DLGAP4: variants seen among roughly 807,000 people sequenced by gnomAD.
DLGAP4 encodes the protein DLG associated protein 4.
Under a neutral mutation model 86.9 loss-of-function variants are expected in DLGAP4, and 18 were observed. That is an observed-to-expected ratio of 0.21 (90% confidence interval 0.14 to 0.31). DLGAP4 has a LOEUF of 0.31. Among genes scored for constraint, DLGAP4 ranks in the 10% least tolerant of loss-of-function variants. The pLI, the probability that DLGAP4 is intolerant of heterozygous loss-of-function variation, is 1.00. For synonymous variants in DLGAP4, 548 were observed against 574.3 expected, an observed-to-expected ratio of 0.95 and a Z score of 0.65; for missense variants, 1,085 against 1,362.6, an observed-to-expected ratio of 0.80 and a Z score of 3.21.
At chr20:36,377,361 C>G (rs921358288) in intron 2 of DLGAP4, among the ~76,000 whole-genome samples, 1 of 152,140 alleles carries the variant, frequency 6.6e-6, no homozygotes, top group East Asian at 1.9e-4. Context: ...GATTTCAGGT[C>G]CTTCCTTCTC....
chr20:36,375,482 A>T (rs8121685), intron 2 of DLGAP4, among the ~76,000 whole-genome samples: 1 of 152,174 alleles, frequency 6.6e-6, no homozygotes, highest in African/African-American at 2.4e-5. Flanking sequence ...ACCATGTGCC[A>T]GGTGCTGCAC....
intron 7 of DLGAP4, among the ~76,000 whole-genome samples, chr20:36,464,151 C>T (rs1249245804): frequency 1.3e-5 from 2 of 152,198 alleles, no homozygotes; most frequent in Non-Finnish European, 1.5e-5. Context: ...TGCAGGATCC[C>T]AGTTCCCACA....
intron 1 of DLGAP4, among the ~76,000 whole-genome samples, chr20:36,355,767 A>C (rs2030306416): frequency 6.6e-6 from 1 of 152,218 alleles, no homozygotes; most frequent in South Asian, 2.1e-4. Flanking sequence ...TAATGCTGCT[A>C]TGAACATTCA....
intron 1 of DLGAP4, among the ~76,000 whole-genome samples, chr20:36,327,182 T>C (rs2065223899): frequency 6.6e-6 from 1 of 151,854 alleles, no homozygotes; most frequent in Non-Finnish European, 1.5e-5. Context: ...GTATTTTTAG[T>C]AGAGATGGGG....
chr20:36,397,369 T>C (rs1466016598), intron 2 of DLGAP4, among the ~76,000 whole-genome samples: 1 of 152,196 alleles, frequency 6.6e-6, no homozygotes, highest in African/African-American at 2.4e-5. Flanking sequence ...TGCATTCAAC[T>C]GACATTCACT....
chr20:36,318,312 C>T (rs1475516962), intron 1 of DLGAP4, among the ~76,000 whole-genome samples: 1 of 152,148 alleles, frequency 6.6e-6, no homozygotes, highest in East Asian at 1.9e-4. Flanking sequence ...CAGAAGGGGC[C>T]ACTGTCCTCA....
At chr20:36,403,277 A>G (rs2032216766) in intron 2 of DLGAP4, among the ~76,000 whole-genome samples, 1 of 152,184 alleles carries the variant, frequency 6.6e-6, no homozygotes, top group African/African-American at 2.4e-5. Flanking sequence ...AAAGAGAGAG[A>G]GAAACAATGG....
intron 2 of DLGAP4, among the ~76,000 whole-genome samples, chr20:36,430,482 G>A (rs140441042): frequency 6.6e-6 from 1 of 152,204 alleles, no homozygotes; most frequent in African/African-American, 2.4e-5. Flanking sequence ...ACTGCCCTCA[G>A]ACCTGGATGA....
intron 7 of DLGAP4, chr20:36,461,880 A>C: frequency 2.0e-6 from 2 of 983,654 alleles, no homozygotes; most frequent in Non-Finnish European, 2.4e-6. Flanking sequence ...GCTCCTCCGC[A>C]GCCCCTCCCT....
intron 10 of DLGAP4, among the ~76,000 whole-genome samples, chr20:36,509,670 AGT>A (rs1569523434): frequency 1.3e-5 from 2 of 152,128 alleles, no homozygotes; most frequent in East Asian, 1.9e-4. Flanking sequence ...GGATTGCTCG[AGT>A]GTGGGAGAGT....
Position 36,440,694 on chromosome 20 carries a change from T to A in DLGAP4, c.1356+826T>A, listed in dbSNP as rs562829757. Reference sequence around the variant, plus strand: ...CAGACCTGGACCTCAGCTCCTGCCGTGTACTCGGCACTTTAGGGTTTGCAA... The same window carrying A: ...CAGACCTGGACCTCAGCTCCTGCCGAGTACTCGGCACTTTAGGGTTTGCAA... On this transcript the variant is annotated intron_variant, in intron 5 of 12. Transcript: ENST00000339266. Among the ~76,000 whole-genome samples, 3 of 151,856 alleles carry A rather than the reference T, an allele frequency of 2.0e-5. No individual in the cohort carries two copies. The East Asian group carries it at 5.8e-4, about 30-fold the overall frequency.
chr20:36,472,167 T>G (rs2034695090), intron 7 of DLGAP4, among the ~76,000 whole-genome samples: 1 of 152,120 alleles, frequency 6.6e-6, no homozygotes, highest in Non-Finnish European at 1.5e-5. Flanking sequence ...AAGGGAAAGT[T>G]CTATCATTTT....
chr20:36,480,823 T>C (rs1213899158), intron 7 of DLGAP4, among the ~76,000 whole-genome samples: 3 of 151,938 alleles, frequency 2.0e-5, no homozygotes, highest in Non-Finnish European at 4.4e-5. Flanking sequence ...ATGGGCAACA[T>C]AGTGAGACCT....
intron 12 of DLGAP4, 152 bp downstream of exon 12, chr20:36,526,158 T>A: frequency 8.8e-7 from 1 of 1,135,006 alleles, no homozygotes; most frequent in Non-Finnish European, 1.3e-6. Flanking sequence ...GGTCCATGCT[T>A]GGCACTTGTC....
At position 36,500,190 on chromosome 20, in the gene DLGAP4, T is replaced by G; in HGVS notation, c.2100-9T>G. On this transcript the variant is annotated splice_polypyrimidine_tract_variant and intron_variant, in intron 9 of 12. Transcript: ENST00000339266. This position sits in a 1 kb window ranked among gnomAD's most constrained non-coding sequence, Gnocchi z 4.6. ...TCCTGTCCCCACCCCATCCACCCCC[T>G]ACCCACAGAAGCAGCGTCCCCTCTC... 4.5e-6 allele frequency: 3 copies of G among 662,782 alleles called. No individual in the cohort carries two copies. The highest frequency in any genetic ancestry group is 6.3e-6 in the Non-Finnish European group (3 of 472,446). The allele number at this position is 662,782 out of a possible 1,614,324, so 41.1% of individuals were successfully genotyped here. A position where few individuals can be genotyped will look rare whatever the true frequency, so the allele number is the denominator to read the frequency against.
At chr20:36,396,040 A>G (rs1352190817) in intron 2 of DLGAP4, among the ~76,000 whole-genome samples, 1 of 152,028 alleles carries the variant, frequency 6.6e-6, no homozygotes, top group African/African-American at 2.4e-5. Context: ...TGAGGAGCCC[A>G]CCTGCACACA....
chr20:36,485,741 G>A (rs1600629498), intron 7 of DLGAP4, among the ~76,000 whole-genome samples: 1 of 152,304 alleles, frequency 6.6e-6, no homozygotes, highest in East Asian at 1.9e-4. Flanking sequence ...AGCTGTGTCA[G>A]GATAAAGTAG....
At chr20:36,370,667 A>G (rs1354236703) in intron 2 of DLGAP4, among the ~76,000 whole-genome samples, 1 of 151,718 alleles carries the variant, frequency 6.6e-6, no homozygotes, top group Non-Finnish European at 1.5e-5. Flanking sequence ...AAATTAAAAA[A>G]AAATTAGCCA....
intron 2 of DLGAP4, among the ~76,000 whole-genome samples, chr20:36,382,167 A>G (rs2031417091): frequency 6.6e-6 from 1 of 152,160 alleles, no homozygotes; most frequent in African/African-American, 2.4e-5. Context: ...TGGTTTTGTC[A>G]CTTGTTTGGC....
Sources: gnomAD v4.1 joint callset for allele counts (sites outside exome capture counted in the v4.1 genomes callset) on GRCh38, gnomAD v4.1.1 for gene constraint, Gnocchi (gnomAD v3.1) non-coding constraint, MANE v1.5 for transcripts, NCBI Gene and HGNC (gene_info 2026-07-23, HGNC 2026-07-21) for gene names.